Variants in GPM6A observed in about 807,000 individuals in gnomAD.
GPM6A encodes the protein neuronal membrane glycoprotein M6-a.
A neutral mutation model predicts 32.1 loss-of-function variants in GPM6A; 7 were observed. The observed-to-expected ratio is 0.22, with a 90% confidence interval of 0.12 to 0.41. GPM6A has a LOEUF of 0.41. Among genes scored for constraint, GPM6A ranks in the 10% least tolerant of loss-of-function variants. The pLI, the probability that GPM6A is intolerant of heterozygous loss-of-function variation, is 1.00. For synonymous variants in GPM6A, 130 were observed against 123.4 expected, an observed-to-expected ratio of 1.05 and a Z score of -0.35; for missense variants, 235 against 347.2, an observed-to-expected ratio of 0.68 and a Z score of 2.57.
intron 1 of GPM6A, among the ~76,000 whole-genome samples, chr4:175,949,918 C>G (rs1183804769): frequency 6.6e-6 from 1 of 152,130 alleles, no homozygotes; most frequent in African/African-American, 2.4e-5. Flanking sequence ...CTTATGAGTT[C>G]TCACCACATA....
intron 1 of GPM6A, among the ~76,000 whole-genome samples, chr4:175,853,775 T>G (rs907406110): frequency 1.3e-5 from 2 of 152,166 alleles, no homozygotes; most frequent in African/African-American, 4.8e-5. Context: ...GATATTATGA[T>G]ATTAATATCA....
At chr4:175,906,841 A>C (rs2111500229) in intron 1 of GPM6A, 1 of 152,250 alleles carries the variant, frequency 6.6e-6, no homozygotes, top group East Asian at 1.9e-4. Flanking sequence ...AGTAAGGAAC[A>C]TTATCAGCCA....
chr4:175,666,443 G>C (rs1742756856), intron 3 of GPM6A, among the ~76,000 whole-genome samples: 1 of 152,118 alleles, frequency 6.6e-6, no homozygotes. Flanking sequence ...GTTATTGATT[G>C]AAAGGCAGAG....
chr4:175,769,690 T>G (rs1044909164), intron 1 of GPM6A, among the ~76,000 whole-genome samples: 4 of 152,158 alleles, frequency 2.6e-5, no homozygotes, highest in African/African-American at 9.7e-5. Context: ...AAATGATATA[T>G]TCCCACATCT....
intron 1 of GPM6A, among the ~76,000 whole-genome samples, chr4:175,844,556 T>C (rs2111391261): frequency 6.6e-6 from 1 of 152,322 alleles, no homozygotes; most frequent in Non-Finnish European, 1.5e-5. Flanking sequence ...TCTATGCAGA[T>C]TATAGATGCC....
At chr4:175,833,813 C>T (rs186452552) in intron 1 of GPM6A, among the ~76,000 whole-genome samples, 1 of 151,984 alleles carries the variant, frequency 6.6e-6, no homozygotes, top group African/African-American at 2.4e-5. Flanking sequence ...GGGCATCAAA[C>T]CAAGCAGCAG....
intron 2 of GPM6A, among the ~76,000 whole-genome samples, chr4:175,699,396 A>G (rs1029125904): frequency 6.6e-6 from 1 of 152,198 alleles, no homozygotes; most frequent in Non-Finnish European, 1.5e-5. Flanking sequence ...GAAAACTGAT[A>G]AACTGTCTAC....
intron 1 of GPM6A, among the ~76,000 whole-genome samples, chr4:175,764,782 C>T (rs1732892128): frequency 1.3e-5 from 2 of 151,438 alleles, no homozygotes; most frequent in Admixed American, 1.3e-4. Flanking sequence ...TTTATTTGCA[C>T]ATCCATATTA....
intron 1 of GPM6A, among the ~76,000 whole-genome samples, chr4:175,915,046 GTTAT>G (rs1263123770): frequency 6.6e-6 from 1 of 151,994 alleles, no homozygotes; most frequent in African/African-American, 2.4e-5. Context: ...TTTTTTGACT[GTTAT>G]TTCTTTCCCA....
intron 1 of GPM6A, among the ~76,000 whole-genome samples, chr4:175,845,054 CA>C (rs1736047283): frequency 1.3e-5 from 2 of 152,072 alleles, no homozygotes; most frequent in Admixed American, 1.3e-4. Flanking sequence ...AGTCAGCTAA[CA>C]CCTTTAATAA....
chr4:175,847,462 C>G (rs1177395218), intron 1 of GPM6A, among the ~76,000 whole-genome samples: 2 of 152,130 alleles, frequency 1.3e-5, no homozygotes, highest in African/African-American at 2.4e-5. Flanking sequence ...CGTGCCTCCC[C>G]CTTTGATCAG....
intron 1 of GPM6A, among the ~76,000 whole-genome samples, chr4:175,839,376 A>T (rs1735871089): frequency 6.6e-6 from 1 of 152,220 alleles, no homozygotes; most frequent in East Asian, 1.9e-4. Flanking sequence ...ATTCTACTAC[A>T]TTAAAATTTT....
chr4:175,909,039 G>A (rs1470500715), intron 1 of GPM6A, among the ~76,000 whole-genome samples: 1 of 46,130 alleles, frequency 2.2e-5, no homozygotes. Context: ...AAAAAAAAAA[G>A]GGCGGGGGGG....
chr4:175,804,419 C>A (rs1390739970), intron 1 of GPM6A, among the ~76,000 whole-genome samples: 1 of 152,036 alleles, frequency 6.6e-6, no homozygotes, highest in Non-Finnish European at 1.5e-5. Context: ...CATGACAATT[C>A]TTTTTTTCTC....
At chr4:175,870,888 T>C (rs190853713) in intron 1 of GPM6A, among the ~76,000 whole-genome samples, 1 of 152,194 alleles carries the variant, frequency 6.6e-6, no homozygotes, top group South Asian at 2.1e-4. Flanking sequence ...TAAAGAGATG[T>C]TGTAAGAATG....
At chr4:175,951,704 C>T (rs1739818258) in intron 1 of GPM6A, among the ~76,000 whole-genome samples, 1 of 152,188 alleles carries the variant, frequency 6.6e-6, no homozygotes, top group Non-Finnish European at 1.5e-5. Flanking sequence ...AATTATATAG[C>T]TTTATACAAG....
At chr4:175,753,423 A>C (rs1037008492) in intron 1 of GPM6A, among the ~76,000 whole-genome samples, 1 of 152,178 alleles carries the variant, frequency 6.6e-6, no homozygotes, top group African/African-American at 2.4e-5. Flanking sequence ...AAAAATATCA[A>C]AGCAAAATGG....
At chr4:175,663,598 T>C (rs2110953311) in intron 3 of GPM6A, among the ~76,000 whole-genome samples, 1 of 152,344 alleles carries the variant, frequency 6.6e-6, no homozygotes, top group South Asian at 2.1e-4. Context: ...TTCCACAATG[T>C]ATACATATTT....
At chr4:175,942,090 T>C (rs972378847) in intron 1 of GPM6A, among the ~76,000 whole-genome samples, 1 of 152,258 alleles carries the variant, frequency 6.6e-6, no homozygotes, top group African/African-American at 2.4e-5. Flanking sequence ...CGTGAGATGG[T>C]ATCTCATTGT....
Sources: allele counts gnomAD v4.1 joint callset (sites outside exome capture counted in the v4.1 genomes callset), GRCh38; gene constraint gnomAD v4.1.1; transcripts MANE v1.5; gene names NCBI Gene and HGNC (gene_info 2026-07-23, HGNC 2026-07-21).